ABCF1: variants seen among roughly 807,000 people sequenced by gnomAD.
ABCF1 encodes ATP binding cassette subfamily F member 1.
Under a neutral mutation model 126.3 loss-of-function variants are expected in ABCF1, and 73 were observed. The ratio of observed to expected loss-of-function variants is 0.58; its 90% confidence interval spans 0.48 to 0.70. ABCF1 has a LOEUF of 0.70. Ranked by LOEUF, ABCF1 falls within the 30% of genes least tolerant of loss-of-function variation. The pLI is 0.00. For synonymous variants in ABCF1, 345 were observed against 396.4 expected (o/e 0.87, Z 1.54); for missense variants, 786 against 1,057.5 (o/e 0.74, Z 3.56).
Position 30,583,046 on chromosome 6 carries a change from A to C in ABCF1, c.793-20A>C. ...ACTGGTAGACTGTGGCTTCAAATGTAGTTTTTCCTACCTTCTCAGATGGAG... is the reference window on the plus strand; with the variant it reads ...ACTGGTAGACTGTGGCTTCAAATGTCGTTTTTCCTACCTTCTCAGATGGAG... On this transcript the variant is annotated intron_variant, in intron 9 of 24. Coordinates refer to ENST00000326195, the MANE Select transcript of ABCF1 (RefSeq NM_001025091.2). The surrounding 1 kb of genome is among the most constrained non-coding windows in gnomAD (Gnocchi z 4.1). The C allele has an allele frequency of 6.3e-7, 1 of 1,596,028 alleles. No homozygotes were observed. Among genetic ancestry groups the C allele is most frequent in the Non-Finnish European group, 8.6e-7 (1 of 1,166,524 alleles).
rs1802424387 is a variant in ABCF1 at position 30,590,989 on chromosome 6, C to G, written c.*288C>G. ...CACCTTATTGTGAGGTTCCATCCAG[C>G]CAAGTTTATGTGGCCTATTGTCTCA... On this transcript the variant is annotated 3_prime_UTR_variant, in exon 25 of 25. Coordinates refer to ENST00000326195, the MANE Select transcript of ABCF1 (RefSeq NM_001025091.2). 5.3e-6 allele frequency: 2 copies of G among 380,320 alleles called. No individual in the cohort carries two copies. Among genetic ancestry groups the G allele is most frequent in the Admixed American group, 4.3e-5 (1 of 23,290 alleles). 23.6% of individuals were successfully genotyped at this position (380,320 alleles called of 1,614,324 possible).
At chr6:30,581,087 A>G (rs546883769) in intron 8 of ABCF1, among the ~76,000 whole-genome samples, 1 of 152,150 alleles carries the variant, frequency 6.6e-6, no homozygotes, top group Non-Finnish European at 1.5e-5. Context: ...AAAATACAAA[A>G]ATTATTTTTA....
intron 20 of ABCF1, among the ~76,000 whole-genome samples, chr6:30,587,394 C>T (rs1274768120): frequency 6.6e-6 from 1 of 152,030 alleles, no homozygotes; most frequent in Non-Finnish European, 1.5e-5. Context: ...CCTGTAATCC[C>T]AACACTTTGG....
intron 8 of ABCF1, among the ~76,000 whole-genome samples, chr6:30,582,060 G>C (rs1457245294): frequency 6.6e-6 from 1 of 150,506 alleles, no homozygotes; most frequent in Non-Finnish European, 1.5e-5. Flanking sequence ...GTTTTTTTTT[G>C]TTGTTTTTTT....
rs2127420476 is a variant in ABCF1, at chr6:30,590,747, A to G, written c.*46A>G. The G allele has an allele frequency of 1.3e-6, 2 of 1,556,792 alleles. No homozygotes were observed. Among genetic ancestry groups the G allele is most frequent in the Non-Finnish European group, 1.7e-6 (2 of 1,152,330 alleles). On this transcript the variant is annotated 3_prime_UTR_variant, in exon 25 of 25. Coordinates refer to ENST00000326195, the MANE Select transcript of ABCF1 (RefSeq NM_001025091.2). Reference sequence around the variant, plus strand: ...CCCGAGAGACATATTTGTGTGGCCTAGAAGTCCTCTGTGGTCTCCCCTCCT... The same window carrying G: ...CCCGAGAGACATATTTGTGTGGCCTGGAAGTCCTCTGTGGTCTCCCCTCCT...
chr6:30,573,348 T>C (rs1213604653), intron 1 of ABCF1, among the ~76,000 whole-genome samples: 2 of 152,228 alleles, frequency 1.3e-5, no homozygotes, highest in African/African-American at 2.4e-5. Flanking sequence ...GGTGAACTTC[T>C]GAATGCTGAG....
intron 5 of ABCF1, 32 bp from the exon 6 acceptor site, chr6:30,578,438 C>G (rs751067657): frequency 7.4e-6 from 12 of 1,614,068 alleles, no homozygotes; most frequent in Non-Finnish European, 1.0e-5. Context: ...CTTGACCATC[C>G]TACTGACTTC....
rs1263025690 is a variant in ABCF1 at position 30,582,087 on chromosome 6, T to C, written c.679-307T>C. On this transcript the variant is annotated intron_variant, in intron 8 of 24. Transcript: ENST00000326195. The stretch of plus-strand genomic sequence containing the variant: ...TGTTTTTTTTTTTGAGACGGAGTCT[T>C]GCTTTGTCACCCAGGCTGGAGTGCA... 2.6e-5 allele frequency among the ~76,000 whole-genome samples: 4 copies of C among 151,604 alleles called. No individual in the cohort carries two copies. The East Asian group carries it at 5.8e-4, about 22-fold the overall frequency.
At chr6:30,581,906 A>G (rs1801834403) in intron 8 of ABCF1, among the ~76,000 whole-genome samples, 1 of 152,194 alleles carries the variant, frequency 6.6e-6, no homozygotes, top group Non-Finnish European at 1.5e-5. Context: ...AGAAATTAAT[A>G]AAGGACCTCA....
chr6:30,582,050 GTTTTTT>G (rs1008842389), intron 8 of ABCF1, among the ~76,000 whole-genome samples: 2 of 150,212 alleles, frequency 1.3e-5, no homozygotes, highest in Non-Finnish European at 1.5e-5. Flanking sequence ...GGAGTCCCTA[GTTTTTT>G]TTTGTTGTTT....
Position 30,583,082 on chromosome 6 carries a change from A to T in ABCF1, c.809A>T (p.Gln270Leu), listed in dbSNP as rs1801910950. ...CCTTCTCAGATGGAGTATGAGCGCC[A>T]AGTGGCTTCATTAAAAGCAGCCAAT... ...KLKKQMEYER[Q>L]VASLKAANAA... Residue 270 changes from glutamine to leucine, a missense_variant, in exon 10 of 25, where the codon CAA (glutamine) becomes CTA (leucine). By Grantham distance (113) the Gln-to-Leu change is moderately radical. This residue lies in a region of ABCF1 where 322 missense variants were observed against 322.9 expected (regional missense o/e 1.00). Coordinates refer to ENST00000326195, the MANE Select transcript of ABCF1 (RefSeq NM_001025091.2). This position sits in a 1 kb window ranked among gnomAD's most constrained non-coding sequence, Gnocchi z 4.1. The T allele has an allele frequency of 2.5e-6, 4 of 1,610,166 alleles. No homozygotes were observed. Among genetic ancestry groups the T allele is most frequent in the Non-Finnish European group, 3.4e-6 (4 of 1,177,492 alleles).
chr6:30,590,544 T>A lies in ABCF1; in HGVS notation c.2381T>A (p.Val794Asp). 1.2e-6 allele frequency: 2 copies of A among 1,610,944 alleles called. No homozygotes were observed. The highest frequency in any genetic ancestry group is 1.7e-6 in the Non-Finnish European group (2 of 1,179,174). Residue 794 changes from valine to aspartate, a missense_variant, in exon 25 of 25, where the codon GTT becomes GAT. Val to Asp is a radical substitution (Grantham distance 152). Coordinates refer to ENST00000326195, the MANE Select transcript of ABCF1 (RefSeq NM_001025091.2). ...CTATCTTTCTTCAAAGCTGTGATCG[T>A]TGTCAGCCATGATGCCCGACTCATC... ...AINEYKGAVI[V>D]VSHDARLITE...
chr6:30,586,846 A>G lies in ABCF1; in HGVS notation c.2031+135A>G, dbSNP rs1802164045. On this transcript the variant is annotated intron_variant, in intron 20 of 24. Coordinates refer to ENST00000326195, the MANE Select transcript of ABCF1 (RefSeq NM_001025091.2). This position sits in a 1 kb window ranked among gnomAD's most constrained non-coding sequence, Gnocchi z 4.9. The stretch of plus-strand genomic sequence containing the variant: ...CTCATGATAGATGATTCATTTCCCT[A>G]AGAGGGGCAGTAGAGGAGGAAAGAG... 2.0e-6 allele frequency: 2 copies of G among 981,168 alleles called. No individual in the cohort carries two copies. Among genetic ancestry groups the G allele is most frequent in the Admixed American group, 4.3e-5 (2 of 46,984 alleles). 60.8% of individuals were successfully genotyped at this position (981,168 alleles called of 1,614,324 possible).
chr6:30,572,089 A>T (rs1194204920), intron 1 of ABCF1, among the ~76,000 whole-genome samples: 2 of 152,204 alleles, frequency 1.3e-5, no homozygotes, highest in African/African-American at 2.4e-5. Context: ...CTTAAAAAGC[A>T]GCGAAAGTTT....
chr6:30,590,090 G>T, intron 22 of ABCF1, 59 bp from the exon 23 acceptor site: 3 of 1,611,346 alleles, frequency 1.9e-6, no homozygotes, highest in Non-Finnish European at 2.5e-6. Flanking sequence ...ACATCTTGAG[G>T]GTTTGCCTTC....
At chr6:30,581,050 T>C (rs1156396620) in intron 8 of ABCF1, among the ~76,000 whole-genome samples, 2 of 152,066 alleles carry the variant, frequency 1.3e-5, no homozygotes, top group South Asian at 2.1e-4. Flanking sequence ...CTATCACATA[T>C]TCTTTTTTTT....
chr6:30,590,929 ATC>A lies in ABCF1; in HGVS notation c.*229_*230del. On this transcript the variant is annotated 3_prime_UTR_variant, in exon 25 of 25. Coordinates refer to ENST00000326195, the MANE Select transcript of ABCF1 (RefSeq NM_001025091.2). ...CTCTTCATATAACTGAGCTGGCCTT[ATC>A]CTTGGCATCCCCCTAAACAAACAAG... The A allele has an allele frequency of 4.1e-6, 2 of 491,126 alleles. No individual in the cohort carries two copies. The highest frequency in any genetic ancestry group is 7.0e-6 in the Non-Finnish European group (2 of 284,288). The allele number at this position is 491,126 out of a possible 1,614,324, so 30.4% of individuals were successfully genotyped here.
chr6:30,583,628 C>T lies in ABCF1; in HGVS notation c.936C>T (p.Ser312=), dbSNP rs371871428. ...SDIKLEKFSI[S]AHGKELFVNA... is the part of the protein sequence containing the mutation. ...TGCAGCTGGAGAAGTTCAGCATCTC[C>T]GCTCATGGCAAGGAGCTGTTCGTCA... Residue 312 remains serine (S), a synonymous_variant, in exon 11 of 25, where the codon TCC becomes TCT. Coordinates refer to ENST00000326195, the MANE Select transcript of ABCF1 (RefSeq NM_001025091.2). The surrounding 1 kb of genome is among the most constrained non-coding windows in gnomAD (Gnocchi z 4.1). 4.8e-5 allele frequency: 78 copies of T among 1,613,898 alleles called. No individual in the cohort carries two copies. Among genetic ancestry groups the T allele is most frequent in the East Asian group, 6.7e-5 (3 of 44,904 alleles).
rs144819203 is a variant in ABCF1, at chr6:30,577,454, C to T, written c.119C>T (p.Thr40Met). 11 of 1,613,226 alleles carry T rather than the reference C, an allele frequency of 6.8e-6. No individual in the cohort carries two copies. Among genetic ancestry groups the T allele is most frequent in the East Asian group, 2.2e-5 (1 of 44,870 alleles). The change falls in exon 2 of 25, where the codon ACG (threonine) becomes ATG (methionine). Residue 40 changes from threonine to methionine, a missense_variant and splice_region_variant. By Grantham distance (81) the Thr-to-Met change is moderately conservative. This residue lies in a region of ABCF1 where 322 missense variants were observed against 322.9 expected (regional missense o/e 1.00). Transcript: ENST00000326195. ...AAGAAGGACAAGAAGATCAAAAAAA[C>T]GGTGAGAAAATGAGGGTTGAGGATA... ...KGKKDKKIKK[T>M]FFEELAVEDK...
Sources: gnomAD v4.1 joint callset for allele counts (sites outside exome capture counted in the v4.1 genomes callset) on GRCh38, gnomAD v4.1.1 for gene constraint, gnomAD v4.1.1 regional missense constraint, Gnocchi (gnomAD v3.1) non-coding constraint, MANE v1.5 for transcripts, NCBI Gene and HGNC (gene_info 2026-07-23, HGNC 2026-07-21) for gene names.